Variants in KCNMA1 observed in about 807,000 individuals in gnomAD.
KCNMA1 encodes the protein potassium calcium-activated channel subfamily M alpha 1, also known as Calcium-activated potassium channel subunit alpha-1.
KCNMA1 carries 29 observed loss-of-function variants against 140.0 expected under a neutral mutation model. The observed-to-expected ratio is 0.21, with a 90% confidence interval of 0.15 to 0.28. The LOEUF is 0.28. Among genes scored for constraint, KCNMA1 ranks in the 10% least tolerant of loss-of-function variants. The pLI is 1.00. For missense variants in KCNMA1, 880 were observed against 1,602.2 expected (o/e 0.55, Z 7.70); for synonymous variants, 612 against 611.9 (o/e 1.00, Z 0.00).
intron 3 of KCNMA1, among the ~76,000 whole-genome samples, chr10:77,246,594 G>T (rs1330821362): frequency 6.6e-6 from 1 of 152,158 alleles, no homozygotes; most frequent in Non-Finnish European, 1.5e-5. Context: ...TTTATTTTCA[G>T]AGACTATGAA....
At chr10:77,279,311 G>A (rs2067627938) in intron 2 of KCNMA1, among the ~76,000 whole-genome samples, 1 of 152,166 alleles carries the variant, frequency 6.6e-6, no homozygotes. Flanking sequence ...AAATCCAAAT[G>A]CAGCTGCTGA....
At chr10:77,151,164 TCTTTCTTTCTTTC>T (rs1206821609) in intron 5 of KCNMA1, among the ~76,000 whole-genome samples, 4 of 149,424 alleles carry the variant, frequency 2.7e-5, no homozygotes, top group Non-Finnish European at 5.9e-5. Flanking sequence ...TCTTTTCTTT[TCTTTCTTTCTTTC>T]CTTTCTTTCT....
chr10:77,525,746 C>G (rs989696756), intron 1 of KCNMA1, among the ~76,000 whole-genome samples: 9 of 152,232 alleles, frequency 5.9e-5, no homozygotes, highest in Non-Finnish European at 1.2e-4. Flanking sequence ...GAGAACTGCC[C>G]TTTGCTATTC....
intron 5 of KCNMA1, among the ~76,000 whole-genome samples, chr10:77,129,167 A>G (rs2097800560): frequency 6.6e-6 from 1 of 152,066 alleles, no homozygotes; most frequent in Admixed American, 6.5e-5. Context: ...CTAACCTTTA[A>G]TTTGTTAATC....
chr10:77,038,825 G>A (rs1261999613), intron 15 of KCNMA1, among the ~76,000 whole-genome samples: 1 of 152,156 alleles, frequency 6.6e-6, no homozygotes, highest in African/African-American at 2.4e-5. Flanking sequence ...GCAAACATGA[G>A]GATTCTAAGT....
intron 9 of KCNMA1, among the ~76,000 whole-genome samples, chr10:77,101,004 A>G (rs1414545962): frequency 1.3e-5 from 2 of 152,098 alleles, no homozygotes; most frequent in Non-Finnish European, 2.9e-5. Context: ...GTGGAAGGGA[A>G]GAGTGACAGC....
intron 2 of KCNMA1, among the ~76,000 whole-genome samples, chr10:77,279,828 C>A (rs1035914744): frequency 7.2e-5 from 11 of 152,264 alleles, no homozygotes; most frequent in African/African-American, 2.2e-4. Flanking sequence ...GGTTTCCCTG[C>A]ACAAGTTCTT....
chr10:77,241,311 T>A (rs1167369893), intron 3 of KCNMA1, among the ~76,000 whole-genome samples: 1 of 152,048 alleles, frequency 6.6e-6, no homozygotes, highest in African/African-American at 2.4e-5. Context: ...TTCTTTAAAA[T>A]CAGAAGAAAA....
At chr10:77,080,742 G>A (rs1170828660) in intron 12 of KCNMA1, among the ~76,000 whole-genome samples, 74 of 152,076 alleles carry the variant, frequency 4.9e-4, no homozygotes, top group Admixed American at 4.8e-3. Context: ...GCCTCCAGAG[G>A]TTTGCAATCT....
In KCNMA1 at chr10:76,885,859, GA is replaced by G; in HGVS notation, c.*1406del. 3.0e-6 allele frequency: 3 copies of G among 985,004 alleles called. No individual in the cohort carries two copies. The highest frequency in any genetic ancestry group is 3.6e-6 in the Non-Finnish European group (3 of 829,640). 61.0% of individuals were successfully genotyped at this position (985,004 alleles called of 1,614,324 possible). On this transcript the variant is annotated 3_prime_UTR_variant, in exon 28 of 28. Coordinates refer to ENST00000286628, the MANE Select transcript of KCNMA1 (RefSeq NM_001161352.2). The stretch of plus-strand genomic sequence containing the variant: ...TTAAAAAAGAAAGAAAACAAAAGAA[GA>G]AAAAAATAACTATACCAAAATGTGT...
At chr10:77,526,111 C>T (rs573063076) in intron 1 of KCNMA1, among the ~76,000 whole-genome samples, 70 of 152,180 alleles carry the variant, frequency 4.6e-4, no homozygotes, top group Admixed American at 2.7e-3. Context: ...AGCTATCTTG[C>T]GGCCATGAGA....
chr10:77,316,602 A>G (rs914385162), intron 2 of KCNMA1, among the ~76,000 whole-genome samples: 1 of 152,108 alleles, frequency 6.6e-6, no homozygotes, highest in African/African-American at 2.4e-5. Flanking sequence ...CCACTTTGAG[A>G]AGCATTGGTT....
chr10:77,621,235 C>CTGAG lies in KCNMA1; in HGVS notation c.378+16026_378+16029dup, dbSNP rs1231596781. 2.0e-5 allele frequency among the ~76,000 whole-genome samples: 3 copies of CTGAG among 152,328 alleles called. No individual in the cohort carries two copies. In the East Asian group the frequency reaches 5.8e-4, roughly 29 times the overall value. ...TGAATGAGTTAACCACTACCTTCTT[C>CTGAG]TGAGTGTGCAGATTAAATTCTCTGT... On this transcript the variant is annotated intron_variant, in intron 1 of 27. Transcript: ENST00000286628.
At chr10:77,609,903 C>T (rs1166602852) in intron 1 of KCNMA1, among the ~76,000 whole-genome samples, 2 of 152,202 alleles carry the variant, frequency 1.3e-5, no homozygotes, top group Non-Finnish European at 2.9e-5. Flanking sequence ...GTGGACAAAA[C>T]CTTCCATAGC....
intron 1 of KCNMA1, among the ~76,000 whole-genome samples, chr10:77,471,130 C>G (rs2098138590): frequency 3.5e-5 from 2 of 57,406 alleles, no homozygotes; most frequent in Admixed American, 1.5e-4. Flanking sequence ...ACTCACACTA[C>G]ACACCACACA....
Position 77,132,584 on chromosome 10 carries a change from G to C in KCNMA1, c.809-11536C>G, listed in dbSNP as rs538417286. ...CTGTTGCCCAGGCTGGAGTGCAGTG[G>C]CGCGATCTCGGCTCACTGCAAGCTC... On this transcript the variant is annotated intron_variant, in intron 5 of 27. Coordinates refer to ENST00000286628, the MANE Select transcript of KCNMA1 (RefSeq NM_001161352.2). Among the ~76,000 whole-genome samples the C allele has an allele frequency of 5.3e-5, 8 of 151,164 alleles. No homozygotes were observed. The South Asian group carries it at 1.7e-3, about 32-fold the overall frequency.
intron 19 of KCNMA1, among the ~76,000 whole-genome samples, chr10:76,982,086 C>T (rs2153231178): frequency 6.6e-6 from 1 of 152,226 alleles, no homozygotes; most frequent in Non-Finnish European, 1.5e-5. Flanking sequence ...TGTAATGACT[C>T]TGAGTTTAAT....
chr10:77,339,701 T>A (rs947667333), intron 2 of KCNMA1, among the ~76,000 whole-genome samples: 1 of 152,224 alleles, frequency 6.6e-6, no homozygotes, highest in Admixed American at 6.5e-5. Flanking sequence ...TCACCCAAGG[T>A]GGAGTCCAAC....
intron 3 of KCNMA1, among the ~76,000 whole-genome samples, chr10:77,205,688 A>G (rs1359809245): frequency 6.6e-6 from 1 of 152,222 alleles, no homozygotes; most frequent in East Asian, 1.9e-4. Flanking sequence ...ATCTGAACCA[A>G]GTATTTAAAT....
Sources: gnomAD v4.1 joint callset for allele counts (sites outside exome capture counted in the v4.1 genomes callset) on GRCh38, gnomAD v4.1.1 for gene constraint, MANE v1.5 for transcripts, NCBI Gene and HGNC (gene_info 2026-07-23, HGNC 2026-07-21) for gene names.